Variants in FSTL5 observed in about 807,000 individuals in gnomAD.
FSTL5 encodes the protein follistatin like 5.
In FSTL5, 62 loss-of-function variants were observed where a neutral mutation model predicts 89.1. The observed-to-expected ratio is 0.70, with a 90% CI of 0.57 to 0.86. The LOEUF (loss-of-function observed/expected upper bound fraction) is 0.86. FSTL5 is among the 40% of genes least tolerant of loss of function. The pLI, the probability that FSTL5 is intolerant of heterozygous loss-of-function variation, is 0.00. For synonymous variants in FSTL5, 383 were observed against 346.2 expected (o/e 1.11, Z -1.18); for missense variants, 1,057 against 1,001.6 (o/e 1.06, Z -0.75).
At chr4:161,607,293 T>G (rs545657249) in intron 7 of FSTL5, among the ~76,000 whole-genome samples, 1 of 152,262 alleles carries the variant, frequency 6.6e-6, no homozygotes, top group Non-Finnish European at 1.5e-5. Context: ...ATTGCTAAAT[T>G]TTATAATTCT....
At chr4:161,983,432 A>G (rs945674323) in intron 3 of FSTL5, among the ~76,000 whole-genome samples, 9 of 152,188 alleles carry the variant, frequency 5.9e-5, no homozygotes, top group Admixed American at 3.9e-4. Flanking sequence ...TCCTCTAAGG[A>G]CGAAAGCAGA....
chr4:162,116,380 G>A (rs1287548651), intron 1 of FSTL5, among the ~76,000 whole-genome samples: 1 of 152,206 alleles, frequency 6.6e-6, no homozygotes, highest in Non-Finnish European at 1.5e-5. Flanking sequence ...CACTTCGCAT[G>A]TACCGTTAGC....
chr4:161,441,642 A>G (rs1337512358), intron 15 of FSTL5, among the ~76,000 whole-genome samples: 1 of 152,136 alleles, frequency 6.6e-6, no homozygotes, highest in Non-Finnish European at 1.5e-5. Context: ...TTGAACAAGC[A>G]ATTTAGGAGA....
chr4:161,887,570 T>C (rs1732855589), intron 4 of FSTL5, among the ~76,000 whole-genome samples: 1 of 152,164 alleles, frequency 6.6e-6, no homozygotes, highest in African/African-American at 2.4e-5. Flanking sequence ...TTTGCTACAA[T>C]ATCCTTAATG....
chr4:161,863,674 T>A (rs938363548), intron 4 of FSTL5, among the ~76,000 whole-genome samples: 4 of 152,218 alleles, frequency 2.6e-5, no homozygotes, highest in African/African-American at 9.6e-5. Context: ...GTTCCACACT[T>A]AATAGTTACT....
intron 7 of FSTL5, among the ~76,000 whole-genome samples, chr4:161,619,814 C>T (rs374390154): frequency 3.9e-5 from 6 of 152,012 alleles, no homozygotes; most frequent in African/African-American, 7.2e-5. Flanking sequence ...AGAAATACCA[C>T]TTGACCCAGC....
chr4:161,404,494 CACTA>C (rs958698390), intron 15 of FSTL5, among the ~76,000 whole-genome samples: 42 of 152,176 alleles, frequency 2.8e-4, no homozygotes, highest in African/African-American at 9.6e-4. Flanking sequence ...CTAAGTTTTC[CACTA>C]ACAGTGGAAA....
At chr4:162,119,423 G>A (rs1579043344) in intron 1 of FSTL5, among the ~76,000 whole-genome samples, 1 of 152,302 alleles carries the variant, frequency 6.6e-6, no homozygotes, top group Middle Eastern at 3.4e-3. Context: ...AATGCAACTA[G>A]CCATGTGACT....
At chr4:161,931,351 A>G (rs1734278807) in intron 3 of FSTL5, among the ~76,000 whole-genome samples, 2 of 151,928 alleles carry the variant, frequency 1.3e-5, no homozygotes, top group Non-Finnish European at 2.9e-5. Context: ...GAGTCAAACA[A>G]GAACAGCTAT....
At chr4:161,894,028 T>C (rs535881015) in intron 4 of FSTL5, among the ~76,000 whole-genome samples, 1 of 152,346 alleles carries the variant, frequency 6.6e-6, no homozygotes, top group African/African-American at 2.4e-5. Flanking sequence ...ATCCAATTTA[T>C]ATAGGTTGTT....
intron 4 of FSTL5, among the ~76,000 whole-genome samples, chr4:161,784,762 C>G (rs919543834): frequency 2.6e-5 from 4 of 151,578 alleles, no homozygotes; most frequent in Non-Finnish European, 5.9e-5. Context: ...GACGTGGTGG[C>G]GGGCGCCTGT....
At chr4:161,396,663 A>T (rs1487030408) in intron 15 of FSTL5, among the ~76,000 whole-genome samples, 3 of 151,688 alleles carry the variant, frequency 2.0e-5, no homozygotes, top group Admixed American at 6.6e-5. Flanking sequence ...TAAAAAAAAA[A>T]AAAAAGAAAA....
rs1357524029 is a variant in FSTL5 at position 161,753,773 on chromosome 4, T to G, written c.727+5638A>C. Among the ~76,000 whole-genome samples the G allele has an allele frequency of 2.6e-5, 4 of 152,236 alleles. No homozygotes were observed. In the East Asian group the frequency reaches 7.7e-4, roughly 29 times the overall value. On this transcript the variant is annotated intron_variant, in intron 6 of 15. Transcript: ENST00000306100. Reference sequence around the variant, plus strand: ...TAAGAACTGTTTCGGCCAGGCGCGGTGGCTCACGCCTGCAATCCCAGCACT... The same window carrying G: ...TAAGAACTGTTTCGGCCAGGCGCGGGGGCTCACGCCTGCAATCCCAGCACT...
At chr4:161,968,934 T>TAC (rs147433060) in intron 3 of FSTL5, among the ~76,000 whole-genome samples, 12,975 of 140,068 alleles carry the variant, frequency 0.093, 620 homozygotes, top group Admixed American at 0.14. Context: ...GACACAGACA[T>TAC]ACACACACAC....
chr4:161,439,025 AT>A (rs1187132957), intron 15 of FSTL5, among the ~76,000 whole-genome samples: 1 of 152,134 alleles, frequency 6.6e-6, no homozygotes, highest in Non-Finnish European at 1.5e-5. Flanking sequence ...AAAATAATAA[AT>A]GAGCATGCTT....
intron 4 of FSTL5, among the ~76,000 whole-genome samples, chr4:161,871,539 A>G (rs1429329536): frequency 6.6e-6 from 1 of 152,140 alleles, no homozygotes; most frequent in African/African-American, 2.4e-5. Context: ...GATAACATAA[A>G]CCTACATATA....
intron 3 of FSTL5, among the ~76,000 whole-genome samples, chr4:161,986,544 T>C (rs1386520526): frequency 6.6e-6 from 1 of 152,168 alleles, no homozygotes; most frequent in Admixed American, 6.5e-5. Flanking sequence ...AAAGCAAAAC[T>C]CTGTCTCAAA....
At chr4:161,712,206 A>G (rs1379934092) in intron 6 of FSTL5, among the ~76,000 whole-genome samples, 2 of 152,162 alleles carry the variant, frequency 1.3e-5, no homozygotes, top group Non-Finnish European at 2.9e-5. Flanking sequence ...TGGATGCACA[A>G]CCCTAAATAT....
chr4:161,803,203 C>A (rs1265351381), intron 4 of FSTL5, among the ~76,000 whole-genome samples: 1 of 151,848 alleles, frequency 6.6e-6, no homozygotes, highest in African/African-American at 2.4e-5. Context: ...AAAATTCATT[C>A]TCTAGCATAA....
Sources: gnomAD v4.1 joint callset for allele counts (sites outside exome capture counted in the v4.1 genomes callset) on GRCh38, gnomAD v4.1.1 for gene constraint, MANE v1.5 for transcripts, NCBI Gene and HGNC (gene_info 2026-07-23, HGNC 2026-07-21) for gene names.